Variants in ANO1 observed in about 807,000 individuals in gnomAD.
The protein encoded by ANO1 is anoctamin 1, also known as anoctamin-1.
In ANO1, 59 loss-of-function variants were observed where a neutral mutation model predicts 124.0. The ratio of observed to expected loss-of-function variants is 0.48; its 90% CI spans 0.39 to 0.59. The LOEUF (loss-of-function observed/expected upper bound fraction) is 0.59. Ranked by LOEUF, ANO1 falls within the 20% of genes least tolerant of loss-of-function variation. The pLI, the probability that ANO1 is intolerant of heterozygous loss-of-function variation, is 0.00. For missense variants in ANO1, 1,059 were observed against 1,328.0 expected (o/e 0.80, Z 3.15); for synonymous variants, 529 against 532.0 (o/e 0.99, Z 0.08).
In ANO1 at chr11:70,006,327, A is replaced by G. The variant is rs528674086; in HGVS notation, c.58+20161A>G. ...CTCCCATCATGACATTTTATCCCTCATGGCTTCTTCCTGCCTACAGCTCTT... is the reference window on the plus strand; with the variant it reads ...CTCCCATCATGACATTTTATCCCTCGTGGCTTCTTCCTGCCTACAGCTCTT... On this transcript the variant is annotated intron_variant, in intron 1 of 27. Transcript: ENST00000531349. Among the ~76,000 whole-genome samples the G allele has an allele frequency of 5.3e-5, 8 of 152,102 alleles. No individual in the cohort carries two copies. In the East Asian group the frequency reaches 1.4e-3, roughly 26 times the overall value.
At chr11:70,086,679 C>G (rs1164720723) in intron 1 of ANO1, among the ~76,000 whole-genome samples, 1 of 152,238 alleles carries the variant, frequency 6.6e-6, no homozygotes, top group East Asian at 1.9e-4. Context: ...CATGATCACC[C>G]AACTTCCTCA....
At chr11:70,138,506 CAAA>C (rs564343150) in intron 11 of ANO1, among the ~76,000 whole-genome samples, 1 of 125,970 alleles carries the variant, frequency 7.9e-6, no homozygotes. Flanking sequence ...AAGTCCGTCT[CAAA>C]AAAAAAAAAA....
intron 22 of ANO1, 35 bp downstream of exon 22, chr11:70,171,074 G>T: frequency 6.2e-7 from 1 of 1,600,614 alleles, no homozygotes; most frequent in Non-Finnish European, 8.5e-7. Flanking sequence ...AACCGGTTCC[G>T]AGTGCGTGCT....
At chr11:70,033,562 C>T (rs1236324888) in intron 1 of ANO1, among the ~76,000 whole-genome samples, 3 of 152,088 alleles carry the variant, frequency 2.0e-5, no homozygotes, top group Admixed American at 6.5e-5. Flanking sequence ...GCTTTCTCTT[C>T]TCCCTGTGGC....
intron 2 of ANO1, among the ~76,000 whole-genome samples, chr11:70,100,199 G>A (rs2045207543): frequency 6.6e-6 from 1 of 152,166 alleles, no homozygotes; most frequent in Admixed American, 6.5e-5. Flanking sequence ...CCTGCACAAA[G>A]CCCTGCAGGA....
At chr11:69,982,459 G>A (rs1162133356), upstream of ANO1, among the ~76,000 whole-genome samples, 2 of 152,246 alleles carry the variant, frequency 1.3e-5, no homozygotes, top group Admixed American at 6.5e-5. Context: ...TCTGGGAGCA[G>A]CCTCCACCTG....
intron 8 of ANO1, among the ~76,000 whole-genome samples, chr11:70,118,576 A>AGATGGATGGATG (rs56391691): frequency 4.8e-4 from 67 of 138,260 alleles, no homozygotes; most frequent in East Asian, 1.6e-3. Flanking sequence ...ATGGATGGAT[A>AGATGGATGGATG]GATGGATGGA....
At chr11:70,096,165 C>T (rs1428428439) in intron 2 of ANO1, among the ~76,000 whole-genome samples, 1 of 152,108 alleles carries the variant, frequency 6.6e-6, no homozygotes, top group Non-Finnish European at 1.5e-5. Context: ...GTGGGGTTTC[C>T]CAAAGCCTCT....
chr11:69,993,209 C>T (rs1053333840), intron 1 of ANO1, among the ~76,000 whole-genome samples: 1 of 152,190 alleles, frequency 6.6e-6, no homozygotes, highest in Non-Finnish European at 1.5e-5. Flanking sequence ...GGTGTGCAAA[C>T]ACTACCCTTG....
chr11:70,179,983 T>G, intron 22 of ANO1, 21 bp from the exon 23 acceptor site: 1 of 1,609,508 alleles, frequency 6.2e-7, no homozygotes, highest in Non-Finnish European at 8.5e-7. Flanking sequence ...TCTTTAAAAC[T>G]GTGACTTCTT....
upstream of ANO1, among the ~76,000 whole-genome samples, chr11:69,982,240 C>T (rs891440432): frequency 6.6e-6 from 1 of 152,192 alleles, no homozygotes; most frequent in Non-Finnish European, 1.5e-5. Flanking sequence ...TTGAGTATAG[C>T]CACCAGGGGC....
chr11:70,180,778 A>G (rs1438713588), intron 23 of ANO1, among the ~76,000 whole-genome samples: 1 of 152,188 alleles, frequency 6.6e-6, no homozygotes, highest in Non-Finnish European at 1.5e-5. Context: ...TTATTTAAAG[A>G]AAAAAGTTGA....
At chr11:70,066,640 T>C (rs1292414659) in intron 1 of ANO1, among the ~76,000 whole-genome samples, 5 of 143,830 alleles carry the variant, frequency 3.5e-5, no homozygotes, top group Non-Finnish European at 7.6e-5. Flanking sequence ...GGGGGCGGGG[T>C]GGGTGGCAGC....
At chr11:69,973,029 C>G in the ANO1 span, among the ~76,000 whole-genome samples, 1 of 152,040 alleles carries the variant, frequency 6.6e-6, no homozygotes, top group African/African-American at 2.4e-5. Context: ...CCTGCCTCAG[C>G]CTCCTGAGTA....
At chr11:70,110,280 G>C (rs566067895) in intron 6 of ANO1, among the ~76,000 whole-genome samples, 108 of 149,774 alleles carry the variant, frequency 7.2e-4, no homozygotes, top group African/African-American at 2.6e-3. Context: ...TCTGCCTCCT[G>C]GGTTTAAGCA....
Position 70,152,449 on chromosome 11 carries a change from G to A in ANO1, c.1342-1G>A, listed in dbSNP as rs945664508. ...GTTTTTACTTTTCTGGTTCCCTGAA[G>A]GAGGCTGTCAAGGTTTGGAACTTTT... On this transcript the variant is annotated splice_acceptor_variant, in intron 12 of 25. Transcript: ENST00000355303. LOFTEE classifies it high-confidence loss of function. 2.7e-5 allele frequency: 43 copies of A among 1,612,524 alleles called. No individual in the cohort carries two copies. The highest frequency in any genetic ancestry group is 3.3e-5 in the Non-Finnish European group (39 of 1,179,328).
chr11:70,165,614 G>A (rs1184946796), intron 20 of ANO1, 44 bp downstream of exon 20: 7 of 1,534,286 alleles, frequency 4.6e-6, no homozygotes, highest in Non-Finnish European at 4.4e-6. Flanking sequence ...GCGGGGCCAG[G>A]CGGAGGGGTG....
chr11:70,048,787 A>T lies in ANO1; in HGVS notation c.59-29755A>T, dbSNP rs146634599. On this transcript the variant is annotated intron_variant, in intron 1 of 27. Coordinates refer to the ANO1 transcript ENST00000531349. ...AGGTGCTGTTTTGTGCGTGCCGGAG[A>T]CCTCTCCACATTGGTGATTGGTTTC... Among the ~76,000 whole-genome samples the T allele has an allele frequency of 6.4e-3, 956 of 149,480 alleles. 33 individuals carry two copies. Among genetic ancestry groups the T allele is most frequent in the Admixed American group, 0.061 (905 of 14,838 alleles).
In ANO1 at chr11:70,019,243, C is replaced by CA. The variant is rs1296845197; in HGVS notation, c.58+33077_58+33078insA. On this transcript the variant is annotated intron_variant, in intron 1 of 27. Coordinates refer to the ANO1 transcript ENST00000531349. ...GCAGGGGAGGGAAAGAAGAACCCCC[C>CA]CACACACACACACACACACATTCAC... Among the ~76,000 whole-genome samples the CA allele has an allele frequency of 8.2e-5, 10 of 122,088 alleles. 1 individual carries two copies. The East Asian group carries it at 1.0e-3, about 12-fold the overall frequency. 80.1% of individuals were successfully genotyped at this position (122,088 alleles called of 152,430 possible).
Sources: gnomAD v4.1 joint callset for allele counts (sites outside exome capture counted in the v4.1 genomes callset) on GRCh38, gnomAD v4.1.1 for gene constraint, MANE v1.5 for transcripts, NCBI Gene and HGNC (gene_info 2026-07-23, HGNC 2026-07-21) for gene names.